The following SMARCC1 variants were observed in gnomAD, a reference collection of about 807,000 sequenced individuals.
SMARCC1 encodes the protein SWI/SNF complex subunit SMARCC1.
SMARCC1 carries 43 observed loss-of-function variants against 147.4 expected under a neutral mutation model. The ratio of observed to expected loss-of-function variants is 0.29; its 90% CI spans 0.23 to 0.38. The LOEUF is 0.38. Ranked by LOEUF, SMARCC1 falls within the 10% of genes least tolerant of loss-of-function variation. The pLI is 1.00. For missense variants in SMARCC1, 1,119 were observed against 1,381.1 expected (o/e 0.81, Z 3.01); for synonymous variants, 495 against 484.4 (o/e 1.02, Z -0.29).
intron 11 of SMARCC1, among the ~76,000 whole-genome samples, chr3:47,695,013 G>C (rs1353308392): frequency 6.6e-6 from 1 of 152,196 alleles, no homozygotes; most frequent in Non-Finnish European, 1.5e-5. Flanking sequence ...TTATGTAACA[G>C]TGATTCTAAA....
At chr3:47,748,997 T>C (rs900312150) in intron 2 of SMARCC1, among the ~76,000 whole-genome samples, 29 of 151,938 alleles carry the variant, frequency 1.9e-4, no homozygotes, top group Non-Finnish European at 1.5e-4. Flanking sequence ...TAGTGAGACC[T>C]CATCTGTTTA....
rs1265608025 is a variant in SMARCC1, at chr3:47,586,458, G to C, written c.*1751C>G. On this transcript the variant is annotated 3_prime_UTR_variant, in exon 28 of 28. Transcript: ENST00000254480. Reference sequence around the variant, plus strand: ...TCTCATTTCCACTCCCAAGAGTCCAGAACAAAAACAAAAGGACCAAGGTCT... The same window carrying C: ...TCTCATTTCCACTCCCAAGAGTCCACAACAAAAACAAAAGGACCAAGGTCT... 6.6e-6 allele frequency: 1 copy of C among 152,484 alleles called. No homozygotes were observed. Among genetic ancestry groups the C allele is most frequent in the Non-Finnish European group, 1.5e-5 (1 of 68,038 alleles). 9.4% of individuals were successfully genotyped at this position (152,484 alleles called of 1,614,324 possible).
chr3:47,729,765 C>T (rs1043987732), intron 5 of SMARCC1, among the ~76,000 whole-genome samples: 1 of 152,186 alleles, frequency 6.6e-6, no homozygotes, highest in Admixed American at 6.6e-5. Context: ...CCATTCCTGG[C>T]CTTGAGCCAT....
At chr3:47,781,357 A>C (rs5016899) in intron 1 of SMARCC1, among the ~76,000 whole-genome samples, 4,573 of 152,320 alleles carry the variant, frequency 0.03, 109 homozygotes, top group Non-Finnish European at 0.044. Context: ...CTGCTCTGGC[A>C]CACGAGACTG....
intron 21 of SMARCC1, among the ~76,000 whole-genome samples, chr3:47,642,831 A>C (rs2033066696): frequency 6.6e-6 from 1 of 152,174 alleles, no homozygotes; most frequent in Non-Finnish European, 1.5e-5. Flanking sequence ...GGATCACCTG[A>C]GTCCAGGAGT....
chr3:47,773,149 C>T lies in SMARCC1; in HGVS notation c.196-213G>A, dbSNP rs141480460. ...AATTTTTTTTTTCTTTTCTTTGAGA[C>T]GGAGCTTCGGTCTTGTCACCCAGGC... is the stretch of plus-strand genomic sequence containing the variant. On this transcript the variant is annotated intron_variant, in intron 1 of 27. Transcript: ENST00000254480. Among the ~76,000 whole-genome samples, 90 of 151,694 alleles carry T rather than the reference C, an allele frequency of 5.9e-4. 2 individuals carry two copies. The East Asian group carries it at 0.015, about 25-fold the overall frequency.
chr3:47,600,243 T>C (rs2032361882), intron 26 of SMARCC1, among the ~76,000 whole-genome samples: 1 of 152,202 alleles, frequency 6.6e-6, no homozygotes, highest in Non-Finnish European at 1.5e-5. Context: ...CTTCTGCTTA[T>C]GGCACCCTGC....
intron 2 of SMARCC1, among the ~76,000 whole-genome samples, chr3:47,764,031 A>G (rs1293047949): frequency 6.7e-6 from 1 of 148,838 alleles, no homozygotes; most frequent in Non-Finnish European, 1.5e-5. Context: ...TCTCTTTAGG[A>G]AAAAAAAAAG....
intron 6 of SMARCC1, among the ~76,000 whole-genome samples, chr3:47,726,103 A>G (rs2034297540): frequency 7.2e-6 from 1 of 139,118 alleles, no homozygotes; most frequent in Admixed American, 7.7e-5. Context: ...TGGTATGTGG[A>G]TTATATCTCA....
chr3:47,665,363 C>T (rs561939757), intron 19 of SMARCC1, among the ~76,000 whole-genome samples: 5 of 152,272 alleles, frequency 3.3e-5, no homozygotes, highest in African/African-American at 9.6e-5. Flanking sequence ...ATAAATCTCA[C>T]TCGGGTCCAC....
At chr3:47,699,762 T>C (rs939048656) in intron 11 of SMARCC1, among the ~76,000 whole-genome samples, 1 of 152,174 alleles carries the variant, frequency 6.6e-6, no homozygotes, top group Non-Finnish European at 1.5e-5. Context: ...TTGCTCTGTT[T>C]AGTGCCATAT....
At chr3:47,774,532 C>T (rs540156127) in intron 1 of SMARCC1, among the ~76,000 whole-genome samples, 1 of 152,234 alleles carries the variant, frequency 6.6e-6, no homozygotes, top group Non-Finnish European at 1.5e-5. Context: ...GTTCTCCTGC[C>T]TCAGCCTCCC....
chr3:47,623,884 AT>A (rs34106939), intron 24 of SMARCC1, among the ~76,000 whole-genome samples: 83 of 145,570 alleles, frequency 5.7e-4, no homozygotes, highest in Admixed American at 4.2e-3. Context: ...TGTTTCTGGT[AT>A]TTTTTTTTTT....
intron 25 of SMARCC1, 105 bp downstream of exon 25, chr3:47,622,102 T>C (rs770833016): frequency 3.3e-5 from 33 of 1,000,640 alleles, no homozygotes; most frequent in Middle Eastern, 2.7e-4. Flanking sequence ...AAGTTAGCCA[T>C]GGAGACCAAG....
intron 8 of SMARCC1, among the ~76,000 whole-genome samples, chr3:47,711,954 C>T (rs899362011): frequency 3.9e-5 from 6 of 152,246 alleles, no homozygotes; most frequent in East Asian, 1.9e-4. Flanking sequence ...GTGTATAGGC[C>T]GGGCGTGGTG....
chr3:47,754,912 G>A (rs769982060), intron 2 of SMARCC1, among the ~76,000 whole-genome samples: 1 of 152,000 alleles, frequency 6.6e-6, no homozygotes, highest in African/African-American at 2.4e-5. Flanking sequence ...GCATGGTGGC[G>A]GGCACTTGTA....
At chr3:47,660,987 CT>C (rs1454392909) in intron 21 of SMARCC1, among the ~76,000 whole-genome samples, 3 of 152,092 alleles carry the variant, frequency 2.0e-5, no homozygotes, top group African/African-American at 7.2e-5. Context: ...TTTCAATATT[CT>C]TTTTTTCACC....
rs918836445 is a variant in SMARCC1, at chr3:47,738,499, C to T, written c.402-389G>A. 3.3e-5 allele frequency among the ~76,000 whole-genome samples: 5 copies of T among 152,230 alleles called. No individual in the cohort carries two copies. In the South Asian group the frequency reaches 8.3e-4, roughly 25 times the overall value. On this transcript the variant is annotated intron_variant, in intron 3 of 27. Coordinates refer to ENST00000254480, the MANE Select transcript of SMARCC1 (RefSeq NM_003074.4). ...AAGAGTTCAAGACCAGCCTGGCCAA[C>T]GTGGTGAAACCCCATCTCTACTAAA...
chr3:47,603,141 G>A (rs2032416941), intron 26 of SMARCC1, among the ~76,000 whole-genome samples: 2 of 152,038 alleles, frequency 1.3e-5, no homozygotes, highest in African/African-American at 4.8e-5. Flanking sequence ...AGGAGATCCC[G>A]CCGGGTGCAG....
Sources: gnomAD v4.1 joint callset for allele counts (sites outside exome capture counted in the v4.1 genomes callset) on GRCh38, gnomAD v4.1.1 for gene constraint, MANE v1.5 for transcripts, NCBI Gene and HGNC (gene_info 2026-07-23, HGNC 2026-07-21) for gene names.